PCDH9: variants seen among roughly 807,000 people sequenced by gnomAD.
PCDH9 encodes protocadherin 9.
A neutral mutation model predicts 70.6 loss-of-function variants in PCDH9; 24 were observed. The observed-to-expected ratio is 0.34, with a 90% confidence interval of 0.25 to 0.48. PCDH9 has a LOEUF of 0.48. Ranked by LOEUF, PCDH9 falls within the 20% of genes least tolerant of loss-of-function variation. The probability of loss-of-function intolerance (pLI) is 0.99; values close to 1 mark genes in which losing one functional copy is unlikely to be tolerated. For synonymous variants in PCDH9, 562 were observed against 558.5 expected, an observed-to-expected ratio of 1.01 and a Z score of -0.09; for missense variants, 1,281 against 1,503.6, an observed-to-expected ratio of 0.85 and a Z score of 2.45.
intron 2 of PCDH9, among the ~76,000 whole-genome samples, chr13:67,004,206 T>C (rs1320942540): frequency 1.3e-5 from 2 of 152,154 alleles, no homozygotes; most frequent in African/African-American, 4.8e-5. Context: ...CTTTTCACAA[T>C]ATGATACATT....
intron 2 of PCDH9, among the ~76,000 whole-genome samples, chr13:66,954,953 C>T (rs1006346358): frequency 9.9e-5 from 15 of 152,112 alleles, no homozygotes; most frequent in Admixed American, 5.9e-4. Context: ...TTAGTAGAGA[C>T]AGGGTTTCAC....
At chr13:66,802,869 C>T (rs963219334) in intron 3 of PCDH9, among the ~76,000 whole-genome samples, 3 of 152,032 alleles carry the variant, frequency 2.0e-5, no homozygotes, top group African/African-American at 4.8e-5. Flanking sequence ...GTCAGCAGCA[C>T]TCTAATACTA....
chr13:66,621,401 A>C (rs907366308), intron 4 of PCDH9, among the ~76,000 whole-genome samples: 3 of 152,214 alleles, frequency 2.0e-5, no homozygotes, highest in Non-Finnish European at 4.4e-5. Context: ...AGGCATGGAG[A>C]ATAGAAAAGT....
At chr13:66,367,122 A>G (rs888543066) in intron 4 of PCDH9, among the ~76,000 whole-genome samples, 1 of 152,052 alleles carries the variant, frequency 6.6e-6, no homozygotes, top group Non-Finnish European at 1.5e-5. Context: ...TTTCAATATT[A>G]TTCATATGTC....
In PCDH9 at chr13:66,704,397, C is replaced by A. The variant is rs574628820; in HGVS notation, c.3139-72986G>T. 3.3e-5 allele frequency among the ~76,000 whole-genome samples: 5 copies of A among 152,238 alleles called. No homozygotes were observed. In the South Asian group the frequency reaches 1.0e-3, roughly 32 times the overall value. Reference sequence around the variant, plus strand: ...CCACAAGACTAGACATTTCTTAGGGCTGTTTTCTTTCTGTAACATTTTTGC... The same window carrying A: ...CCACAAGACTAGACATTTCTTAGGGATGTTTTCTTTCTGTAACATTTTTGC... On this transcript the variant is annotated intron_variant, in intron 3 of 4. Coordinates refer to ENST00000377865, the MANE Select transcript of PCDH9 (RefSeq NM_203487.3).
At chr13:66,693,290 A>G (rs1286107940) in intron 3 of PCDH9, among the ~76,000 whole-genome samples, 1 of 152,132 alleles carries the variant, frequency 6.6e-6, no homozygotes, top group African/African-American at 2.4e-5. Context: ...TCATTCAAAT[A>G]TATATTGATT....
At chr13:66,619,433 C>T (rs1184833736) in intron 4 of PCDH9, among the ~76,000 whole-genome samples, 2 of 152,086 alleles carry the variant, frequency 1.3e-5, no homozygotes, top group Middle Eastern at 3.4e-3. Flanking sequence ...TTGAAACTAA[C>T]AATTTTCTAG....
chr13:66,527,670 G>A (rs954921109), intron 4 of PCDH9, among the ~76,000 whole-genome samples: 1 of 152,018 alleles, frequency 6.6e-6, no homozygotes, highest in African/African-American at 2.4e-5. Flanking sequence ...GGCCCAAAAT[G>A]TGTAAGAAAG....
chr13:66,996,578 G>C (rs1274908270), intron 2 of PCDH9, among the ~76,000 whole-genome samples: 1 of 152,192 alleles, frequency 6.6e-6, no homozygotes, highest in African/African-American at 2.4e-5. Context: ...GCTAGTGTGA[G>C]AGTGTTTCAA....
At position 66,613,137 on chromosome 13, in the gene PCDH9, C is replaced by T. The variant is rs1288192506; in HGVS notation, c.3340+18073G>A. On this transcript the variant is annotated intron_variant, in intron 4 of 4. Transcript: ENST00000377865. ...TTCTTTTTTGGGAGAGACCTGCAAGCAGCGGCTCCCCTCCACTTCCACTCC... is the reference window on the plus strand; with the variant it reads ...TTCTTTTTTGGGAGAGACCTGCAAGTAGCGGCTCCCCTCCACTTCCACTCC... Among the ~76,000 whole-genome samples the T allele has an allele frequency of 3.9e-5, 6 of 152,148 alleles. No individual in the cohort carries two copies. In the East Asian group the frequency reaches 1.2e-3, roughly 29 times the overall value.
At position 66,923,502 on chromosome 13, in the gene PCDH9, G is replaced by A. The variant is rs545586580; in HGVS notation, c.3037-19897C>T. Among the ~76,000 whole-genome samples the A allele has an allele frequency of 1.7e-3, 262 of 151,612 alleles. 2 individuals are homozygous for A. The highest frequency in any genetic ancestry group is 6.0e-3 in the African/African-American group (248 of 41,440). On this transcript the variant is annotated intron_variant, in intron 2 of 4. Coordinates refer to ENST00000377865, the MANE Select transcript of PCDH9 (RefSeq NM_203487.3). ...ATAATTCTGGCTTTTAAAATATCCA[G>A]TTTAAAATAAAAAATCTATCATCAT...
At chr13:66,571,609 C>T (rs946639415) in intron 4 of PCDH9, among the ~76,000 whole-genome samples, 2 of 151,854 alleles carry the variant, frequency 1.3e-5, no homozygotes, top group African/African-American at 2.4e-5. Context: ...TCCTCATTAT[C>T]GCTTGATAGT....
At chr13:66,725,318 T>C (rs1390343568) in intron 3 of PCDH9, among the ~76,000 whole-genome samples, 2 of 152,198 alleles carry the variant, frequency 1.3e-5, no homozygotes, top group Non-Finnish European at 2.9e-5. Context: ...ATTAGTGTAA[T>C]AGCCTTTTAA....
chr13:66,739,728 T>C (rs997558671), intron 3 of PCDH9, among the ~76,000 whole-genome samples: 2 of 150,526 alleles, frequency 1.3e-5, no homozygotes, highest in African/African-American at 4.9e-5. Context: ...CCAACAAAGA[T>C]CAAAAGAGAC....
chr13:66,993,410 A>T (rs1055271323), intron 2 of PCDH9, among the ~76,000 whole-genome samples: 1 of 152,184 alleles, frequency 6.6e-6, no homozygotes, highest in Non-Finnish European at 1.5e-5. Flanking sequence ...CAAAATTATT[A>T]GTATGATGAT....
At chr13:67,063,992 A>C (rs1043773827) in intron 2 of PCDH9, among the ~76,000 whole-genome samples, 16 of 151,970 alleles carry the variant, frequency 1.1e-4, no homozygotes, top group Non-Finnish European at 2.4e-4. Flanking sequence ...GAAATAGGAT[A>C]CTCCACTCTA....
chr13:66,675,958 T>C (rs1341489075), intron 3 of PCDH9, among the ~76,000 whole-genome samples: 2 of 152,180 alleles, frequency 1.3e-5, no homozygotes, highest in African/African-American at 4.8e-5. Context: ...ATTCGTGCAT[T>C]ACACGAAGTA....
intron 3 of PCDH9, among the ~76,000 whole-genome samples, chr13:66,713,770 C>G (rs957016584): frequency 2.0e-5 from 3 of 151,730 alleles, no homozygotes; most frequent in African/African-American, 7.3e-5. Flanking sequence ...ACCCCTCTTA[C>G]TTTTATTCCT....
chr13:67,023,407 C>A (rs2084718000), intron 2 of PCDH9, among the ~76,000 whole-genome samples: 1 of 152,156 alleles, frequency 6.6e-6, no homozygotes, highest in Non-Finnish European at 1.5e-5. Flanking sequence ...TAGTAAAATT[C>A]TGTCTTATAT....
Sources: gnomAD v4.1 joint callset for allele counts (sites outside exome capture counted in the v4.1 genomes callset) on GRCh38, gnomAD v4.1.1 for gene constraint, MANE v1.5 for transcripts, NCBI Gene and HGNC (gene_info 2026-07-23, HGNC 2026-07-21) for gene names.